The following BTBD9 variants were observed in gnomAD, a reference collection of about 807,000 sequenced individuals.
BTBD9 encodes the protein BTB domain containing 9, also known as BTB/POZ domain-containing protein 9.
Under a neutral mutation model 64.3 loss-of-function variants are expected in BTBD9, and 49 were observed. The observed-to-expected ratio is 0.76, with a 90% CI of 0.61 to 0.97. BTBD9 has a LOEUF of 0.97. BTBD9 is among the 50% of genes least tolerant of loss of function. BTBD9 has a pLI of 0.00. For missense variants in BTBD9, 598 were observed against 762.1 expected, an observed-to-expected ratio of 0.78 and a Z score of 2.53; for synonymous variants, 260 against 274.7, an observed-to-expected ratio of 0.95 and a Z score of 0.53.
chr6:38,600,280 T>C (rs977298881), intron 1 of BTBD9, among the ~76,000 whole-genome samples: 33 of 152,200 alleles, frequency 2.2e-4, no homozygotes, highest in African/African-American at 5.1e-4. Flanking sequence ...TGAATAAACA[T>C]GGCTATCTCC....
At chr6:38,604,828 C>A (rs1169785770) in intron 1 of BTBD9, among the ~76,000 whole-genome samples, 1 of 152,130 alleles carries the variant, frequency 6.6e-6, no homozygotes. Flanking sequence ...ATACAAACCA[C>A]AGGAATTTGG....
chr6:38,204,366 A>G lies in BTBD9; in HGVS notation c.1563-11769T>C, dbSNP rs1017943143. ...GATAGATAAAATGTAGTATATCCAT[A>G]CACTGGAATACTGTTCAGCAATAAT... is the stretch of plus-strand genomic sequence containing the variant. On this transcript the variant is annotated intron_variant, in intron 9 of 10. Coordinates refer to ENST00000481247, the MANE Select transcript of BTBD9 (RefSeq NM_001099272.2). Among the ~76,000 whole-genome samples, 3 of 152,240 alleles carry G rather than the reference A, an allele frequency of 2.0e-5. No homozygotes were observed. In the East Asian group the frequency reaches 5.8e-4, roughly 29 times the overall value.
chr6:38,184,255 C>G lies in BTBD9; in HGVS notation c.1641+8264G>C, dbSNP rs534746151. Among the ~76,000 whole-genome samples the G allele has an allele frequency of 3.9e-5, 6 of 152,332 alleles. No individual in the cohort carries two copies. Among genetic ancestry groups the G allele is most frequent in the Admixed American group, 3.9e-4 (6 of 15,308 alleles). ...CTGGTACAATGCAGATTCACAGGTA[C>G]CAGGCTGCCCGCTGGGCTTGACTAT... is the stretch of plus-strand genomic sequence containing the variant. On this transcript the variant is annotated intron_variant, in intron 10 of 10. Coordinates refer to ENST00000481247, the MANE Select transcript of BTBD9 (RefSeq NM_001099272.2). The surrounding 1 kb of genome is among the most constrained non-coding windows in gnomAD (Gnocchi z 4.4).
intron 6 of BTBD9, among the ~76,000 whole-genome samples, chr6:38,545,262 T>A (rs182699478): frequency 6.6e-6 from 1 of 152,144 alleles, no homozygotes; most frequent in African/African-American, 2.4e-5. Context: ...CAAGTAAATT[T>A]TGTATTTTCA....
At chr6:38,575,396 A>G (rs1390110355) in intron 6 of BTBD9, among the ~76,000 whole-genome samples, 2 of 152,216 alleles carry the variant, frequency 1.3e-5, no homozygotes, top group Non-Finnish European at 2.9e-5. Context: ...AGGCAAGATA[A>G]ACACGCAAAG....
At chr6:38,397,889 T>A (rs1045920302) in intron 6 of BTBD9, among the ~76,000 whole-genome samples, 5 of 152,174 alleles carry the variant, frequency 3.3e-5, no homozygotes, top group Admixed American at 3.3e-4. Flanking sequence ...GGAGGAAACG[T>A]CAAGTGCAAA....
intron 1 of BTBD9, among the ~76,000 whole-genome samples, chr6:38,634,681 AAATTAGAAATCAT>A (rs1778472774): frequency 6.6e-6 from 1 of 152,186 alleles, no homozygotes; most frequent in African/African-American, 2.4e-5. Flanking sequence ...TGTGTGTGTA[AAATTAGAAATCAT>A]ATCCTCCCCA....
chr6:38,512,738 T>C (rs1772829219), intron 6 of BTBD9, among the ~76,000 whole-genome samples: 1 of 152,196 alleles, frequency 6.6e-6, no homozygotes, highest in Non-Finnish European at 1.5e-5. Flanking sequence ...AGTTTTTAAC[T>C]CTGAAGGGGC....
chr6:38,278,595 A>T (rs12201418), intron 8 of BTBD9, among the ~76,000 whole-genome samples: 1 of 151,972 alleles, frequency 6.6e-6, no homozygotes, highest in Non-Finnish European at 1.5e-5. Context: ...GTGTTGTCCT[A>T]CTCCTGATGG....
chr6:38,520,137 A>G (rs1183290431), intron 6 of BTBD9, among the ~76,000 whole-genome samples: 1 of 146,178 alleles, frequency 6.8e-6, no homozygotes. Context: ...AAACTGACAG[A>G]AAAAAAAAAT....
Position 38,175,123 on chromosome 6 carries a change from A to G in BTBD9, c.1701T>C (p.Asn567=), listed in dbSNP as rs764231068. 52 of 1,613,910 alleles carry G rather than the reference A, an allele frequency of 3.2e-5. 3 individuals carry two copies. In the South Asian group the frequency reaches 5.5e-4, roughly 17 times the overall value. ...PEQQSSQKEE[N]SEESGTGDTS... ...TGTCCCCTGTCCCCGATTCCTCACT[A>G]TTTTCCTCCTTCTGGCTGCTCTGCT... The change falls in exon 11 of 11, where the codon AAT becomes AAC. Residue 567 remains asparagine, a synonymous_variant. Transcript: ENST00000481247.
chr6:38,293,259 G>A (rs1487679534), intron 7 of BTBD9, among the ~76,000 whole-genome samples: 2 of 152,110 alleles, frequency 1.3e-5, no homozygotes, highest in Non-Finnish European at 2.9e-5. Context: ...GTAATTTATA[G>A]ATTCAATGCT....
intron 6 of BTBD9, among the ~76,000 whole-genome samples, chr6:38,354,917 AAGAGAG>A (rs150257577): frequency 1.2e-4 from 18 of 148,724 alleles, no homozygotes; most frequent in African/African-American, 4.2e-4. Flanking sequence ...GACAGAGAGA[AAGAGAG>A]AGAGAGAGAG....
intron 6 of BTBD9, among the ~76,000 whole-genome samples, chr6:38,510,891 C>T (rs1165005478): frequency 6.6e-6 from 1 of 152,158 alleles, no homozygotes; most frequent in Non-Finnish European, 1.5e-5. Context: ...TTCCGAAATA[C>T]CTCCTGAAGG....
intron 1 of BTBD9, among the ~76,000 whole-genome samples, chr6:38,605,683 T>TGG (rs574307281): frequency 3.0e-4 from 45 of 152,156 alleles, no homozygotes; most frequent in Non-Finnish European, 5.7e-4. Flanking sequence ...CCTGGCATGG[T>TGG]GGTGTGCATC....
chr6:38,616,511 G>C (rs748526331), intron 1 of BTBD9, among the ~76,000 whole-genome samples: 1 of 151,922 alleles, frequency 6.6e-6, no homozygotes, highest in Non-Finnish European at 1.5e-5. Context: ...CCAGCTACTC[G>C]GAAAGTTGAG....
At chr6:38,634,642 T>C (rs1436668670) in intron 1 of BTBD9, among the ~76,000 whole-genome samples, 2 of 152,022 alleles carry the variant, frequency 1.3e-5, no homozygotes. Flanking sequence ...ACACCAGATA[T>C]ATGAAAGAAA....
intron 6 of BTBD9, among the ~76,000 whole-genome samples, chr6:38,440,177 T>C (rs1300455749): frequency 2.6e-5 from 4 of 152,110 alleles, no homozygotes; most frequent in Non-Finnish European, 5.9e-5. Context: ...TGAGACTTGA[T>C]TGAGGTCACC....
At chr6:38,276,170 T>C (rs556267719) in intron 8 of BTBD9, among the ~76,000 whole-genome samples, 2,512 of 152,198 alleles carry the variant, frequency 0.017, 57 homozygotes, top group African/African-American at 0.056. Flanking sequence ...TATGCAGCCA[T>C]AAAAAATGAT....
Sources: gnomAD v4.1 joint callset for allele counts (sites outside exome capture counted in the v4.1 genomes callset) on GRCh38, gnomAD v4.1.1 for gene constraint, Gnocchi (gnomAD v3.1) non-coding constraint, MANE v1.5 for transcripts, NCBI Gene and HGNC (gene_info 2026-07-23, HGNC 2026-07-21) for gene names.